Variants in ULK4 observed in about 807,000 individuals in gnomAD.
The protein encoded by ULK4 is inactive serine/threonine-protein kinase ULK4.
ULK4 carries 133 observed loss-of-function variants against 160.6 expected under a neutral mutation model. The observed-to-expected ratio is 0.83, with a 90% CI of 0.72 to 0.96. ULK4 has a LOEUF of 0.96. Among genes scored for constraint, ULK4 ranks in the 40% least tolerant of loss-of-function variants. The probability of loss-of-function intolerance (pLI) is 0.00; values close to 1 mark genes in which losing one functional copy is unlikely to be tolerated. For synonymous variants in ULK4, 534 were observed against 539.8 expected (o/e 0.99, Z 0.15); for missense variants, 1,580 against 1,499.5 (o/e 1.05, Z -0.89).
At chr3:41,663,961 C>G (rs2035270653) in intron 29 of ULK4, among the ~76,000 whole-genome samples, 2 of 152,138 alleles carry the variant, frequency 1.3e-5, no homozygotes, top group African/African-American at 4.8e-5. Flanking sequence ...AAATGCTACT[C>G]TCAACAATAG....
chr3:41,758,829 C>T (rs561654699), intron 21 of ULK4, among the ~76,000 whole-genome samples: 3 of 150,674 alleles, frequency 2.0e-5, no homozygotes, highest in Non-Finnish European at 4.4e-5. Flanking sequence ...GCCAAGATCG[C>T]GCCACTGCAC....
At position 41,692,286 on chromosome 3, in the gene ULK4, G is replaced by A. The variant is rs58426074; in HGVS notation, c.2782-10482C>T. ...TTCTAATTCATAGTGAGAAAACCAC[G>A]ACGACACAATCTGACACAGTATATG... On this transcript the variant is annotated intron_variant, in intron 27 of 36. Transcript: ENST00000301831. Among the ~76,000 whole-genome samples, 944 of 152,042 alleles carry A rather than the reference G, an allele frequency of 6.2e-3. 9 individuals carry two copies. Among genetic ancestry groups the A allele is most frequent in the African/African-American group, 0.022 (898 of 41,508 alleles).
chr3:41,314,817 G>T (rs942473753), intron 35 of ULK4, among the ~76,000 whole-genome samples: 9 of 149,474 alleles, frequency 6.0e-5, no homozygotes, highest in Non-Finnish European at 1.2e-4. Context: ...CAGTGTGTCT[G>T]TGTGTGTGTG....
At chr3:41,737,010 T>C (rs1221117527) in intron 22 of ULK4, among the ~76,000 whole-genome samples, 3 of 151,898 alleles carry the variant, frequency 2.0e-5, no homozygotes, top group Non-Finnish European at 4.4e-5. Context: ...TGTAGATATG[T>C]GGCATTATTT....
intron 31 of ULK4, among the ~76,000 whole-genome samples, chr3:41,603,674 T>A (rs2032229523): frequency 6.6e-6 from 1 of 152,102 alleles, no homozygotes; most frequent in Non-Finnish European, 1.5e-5. Flanking sequence ...AGTGCAGATT[T>A]TCTGGTATAG....
intron 32 of ULK4, among the ~76,000 whole-genome samples, chr3:41,466,302 A>C (rs1047153266): frequency 6.6e-6 from 1 of 152,194 alleles, no homozygotes; most frequent in African/African-American, 2.4e-5. Flanking sequence ...CTGATTCAGT[A>C]AACGGAGATA....
intron 32 of ULK4, among the ~76,000 whole-genome samples, chr3:41,488,252 T>C (rs964829133): frequency 4.6e-5 from 7 of 152,238 alleles, no homozygotes; most frequent in African/African-American, 1.7e-4. Flanking sequence ...CATGCTATTT[T>C]ACACACAGTA....
chr3:41,709,457 G>A (rs544911253), intron 25 of ULK4, among the ~76,000 whole-genome samples: 2 of 152,292 alleles, frequency 1.3e-5, no homozygotes, highest in Admixed American at 1.3e-4. Context: ...CATGATCTCG[G>A]TTCACTGCAA....
intron 8 of ULK4, among the ~76,000 whole-genome samples, chr3:41,913,383 G>T (rs187565520): frequency 6.6e-6 from 1 of 151,934 alleles, no homozygotes; most frequent in Non-Finnish European, 1.5e-5. Context: ...CCGCCACCAC[G>T]CCTGGATAAT....
chr3:41,878,304 A>G (rs1024051357), intron 17 of ULK4, among the ~76,000 whole-genome samples: 13 of 152,190 alleles, frequency 8.5e-5, no homozygotes, highest in African/African-American at 3.1e-4. Context: ...AAGAGCTCCC[A>G]CTGGATGGAG....
intron 35 of ULK4, among the ~76,000 whole-genome samples, chr3:41,306,144 G>GC (rs1256765005): frequency 2.4e-5 from 2 of 81,918 alleles, no homozygotes; most frequent in African/African-American, 6.2e-5. Flanking sequence ...GGGGGGGTCA[G>GC]CCCCCCGCCA....
At chr3:41,637,921 T>C (rs2034022545) in intron 30 of ULK4, among the ~76,000 whole-genome samples, 1 of 152,194 alleles carries the variant, frequency 6.6e-6, no homozygotes, top group Non-Finnish European at 1.5e-5. Context: ...GAGTTCCTTA[T>C]ATATGTTGGA....
chr3:41,724,327 G>T (rs1483280622), intron 22 of ULK4, among the ~76,000 whole-genome samples: 2 of 152,150 alleles, frequency 1.3e-5, no homozygotes, highest in Non-Finnish European at 2.9e-5. Flanking sequence ...AAGTAAATTT[G>T]CTGGGTCACA....
At chr3:41,900,013 A>G (rs1490601173) in intron 13 of ULK4, among the ~76,000 whole-genome samples, 3 of 152,230 alleles carry the variant, frequency 2.0e-5, no homozygotes, top group Non-Finnish European at 4.4e-5. Flanking sequence ...AAGCAGGAAA[A>G]TTAAAATAGA....
At chr3:41,660,950 T>C (rs2035131189) in intron 30 of ULK4, among the ~76,000 whole-genome samples, 1 of 152,216 alleles carries the variant, frequency 6.6e-6, no homozygotes, top group African/African-American at 2.4e-5. Flanking sequence ...AAACTGTTAG[T>C]GTTCTATATT....
At chr3:41,704,685 T>C (rs567871543) in intron 27 of ULK4, among the ~76,000 whole-genome samples, 2 of 152,232 alleles carry the variant, frequency 1.3e-5, no homozygotes, top group African/African-American at 4.8e-5. Flanking sequence ...GGGTTTCTGC[T>C]AAACATCCCA....
chr3:41,375,824 A>G (rs571174163), intron 35 of ULK4, among the ~76,000 whole-genome samples: 1 of 150,416 alleles, frequency 6.6e-6, no homozygotes, highest in Admixed American at 6.6e-5. Context: ...CAAAGAAACT[A>G]GCATATCAGG....
intron 18 of ULK4, among the ~76,000 whole-genome samples, chr3:41,825,052 AG>A (rs947707698): frequency 6.6e-6 from 1 of 152,242 alleles, no homozygotes; most frequent in Non-Finnish European, 1.5e-5. Context: ...CCAGGTGAAC[AG>A]GGTCTGGAGT....
chr3:41,278,057 T>A (rs1018679504), intron 35 of ULK4: 2 of 152,154 alleles, frequency 1.3e-5, no homozygotes, highest in Admixed American at 6.5e-5. Flanking sequence ...GCCATCATAG[T>A]CTGTACCTGA....
Sources: allele counts gnomAD v4.1 joint callset (sites outside exome capture counted in the v4.1 genomes callset), GRCh38; gene constraint gnomAD v4.1.1; transcripts MANE v1.5; gene names NCBI Gene and HGNC (gene_info 2026-07-23, HGNC 2026-07-21).